The following SYNE1 variants were observed in gnomAD, a reference collection of about 807,000 sequenced individuals.
The protein encoded by SYNE1 is spectrin repeat containing nuclear envelope protein 1.
A neutral mutation model predicts 1,111.0 loss-of-function variants in SYNE1; 616 were observed. That is an observed-to-expected ratio of 0.55 (90% CI 0.52 to 0.59). The LOEUF is 0.59. Ranked by LOEUF, SYNE1 falls within the 20% of genes least tolerant of loss-of-function variation. The probability of loss-of-function intolerance (pLI) is 0.00; values close to 1 mark genes in which losing one functional copy is unlikely to be tolerated. For synonymous variants in SYNE1, 3,855 were observed against 3,825.8 expected (o/e 1.01, Z -0.28); for missense variants, 10,006 against 10,417.0 (o/e 0.96, Z 1.72).
Position 152,318,075 on chromosome 6 carries a change from A to G in SYNE1, c.16572+6T>C. ...ACGATTTGGATTTCTGGCCCGGAACACATACCTGATTGAGCTTGGAGAGCC... is the reference window on the plus strand; with the variant it reads ...ACGATTTGGATTTCTGGCCCGGAACGCATACCTGATTGAGCTTGGAGAGCC... On this transcript the variant is annotated splice_donor_region_variant and intron_variant, in intron 86 of 145. Coordinates refer to ENST00000367255, the MANE Select transcript of SYNE1 (RefSeq NM_182961.4). 1 of 1,614,218 alleles carries G rather than the reference A, an allele frequency of 6.2e-7. No individual in the cohort carries two copies. The highest frequency in any genetic ancestry group is 8.5e-7 in the Non-Finnish European group (1 of 1,180,044).
At position 152,541,660 on chromosome 6, in the gene SYNE1, A is replaced by G. The variant is rs568557810; in HGVS notation, c.68-1639T>C. Among the ~76,000 whole-genome samples, 9 of 147,654 alleles carry G rather than the reference A, an allele frequency of 6.1e-5. No individual in the cohort carries two copies. The South Asian group carries it at 1.9e-3, about 32-fold the overall frequency. ...CTACTCAGGAGGCTGAGGCAGGAGA[A>G]TGGTGTGAACCTGTGAGGCAGAGCT... On this transcript the variant is annotated intron_variant, in intron 3 of 145. Coordinates refer to ENST00000367255, the MANE Select transcript of SYNE1 (RefSeq NM_182961.4).
At chr6:152,424,481 A>C (rs2098320807) in intron 39 of SYNE1, among the ~76,000 whole-genome samples, 1 of 152,186 alleles carries the variant, frequency 6.6e-6, no homozygotes, top group Non-Finnish European at 1.5e-5. Context: ...TAAATTTCTG[A>C]AACCATTCAA....
At chr6:152,426,771 A>G (rs1316286493) in intron 38 of SYNE1, among the ~76,000 whole-genome samples, 1 of 152,238 alleles carries the variant, frequency 6.6e-6, no homozygotes, top group Non-Finnish European at 1.5e-5. Flanking sequence ...GAGTGCAGAC[A>G]CCAGTGTTTA....
At chr6:152,379,271 C>A (rs1268434143) in intron 56 of SYNE1, among the ~76,000 whole-genome samples, 1 of 152,100 alleles carries the variant, frequency 6.6e-6, no homozygotes, top group Non-Finnish European at 1.5e-5. Flanking sequence ...TTCTAGAATG[C>A]ATCTTTCCAC....
At chr6:152,352,556 C>A (rs957762219) in intron 69 of SYNE1, among the ~76,000 whole-genome samples, 1 of 152,076 alleles carries the variant, frequency 6.6e-6, no homozygotes, top group Non-Finnish European at 1.5e-5. Flanking sequence ...GTGCGTGCCA[C>A]CATGCCCAGC....
chr6:152,189,173 G>T (rs2071456144), intron 128 of SYNE1, 79 bp downstream of exon 128: 1 of 1,502,584 alleles, frequency 6.7e-7, no homozygotes, highest in Non-Finnish European at 9.2e-7. Flanking sequence ...GTCCACATGT[G>T]GGTTAACCCA....
chr6:152,374,645 A>G lies in SYNE1; in HGVS notation c.9325-1426T>C, dbSNP rs531755758. On this transcript the variant is annotated intron_variant, in intron 58 of 145. Coordinates refer to ENST00000367255, the MANE Select transcript of SYNE1 (RefSeq NM_182961.4). ...AAAAGTTAGCTGGGCGTGTTGACGC[A>G]TGTCTGTAATCCCAGATACTCAGGA... Among the ~76,000 whole-genome samples, 412 of 152,224 alleles carry G rather than the reference A, an allele frequency of 2.7e-3. 2 individuals are homozygous for G. The highest frequency in any genetic ancestry group is 8.7e-3 in the African/African-American group (360 of 41,562).
At chr6:152,142,427 C>A (rs994330987) in intron 138 of SYNE1, among the ~76,000 whole-genome samples, 2 of 152,088 alleles carry the variant, frequency 1.3e-5, no homozygotes, top group African/African-American at 2.4e-5. Context: ...TTAAAGCCAG[C>A]TGTTTTATAA....
At chr6:152,593,206 T>C (rs2099571835) in intron 3 of SYNE1, among the ~76,000 whole-genome samples, 1 of 152,178 alleles carries the variant, frequency 6.6e-6, no homozygotes, top group Non-Finnish European at 1.5e-5. Flanking sequence ...AGTTACAGTT[T>C]GCAGTTTCCA....
intron 94 of SYNE1, 64 bp downstream of exon 94, chr6:152,293,896 A>G (rs1174402729): frequency 3.1e-6 from 5 of 1,612,228 alleles, no homozygotes; most frequent in Non-Finnish European, 4.2e-6. Context: ...CATGTATTTC[A>G]TAAGACAATC....
At chr6:152,398,835 G>A in intron 48 of SYNE1, 104 bp from the exon 49 acceptor site, 1 of 787,360 alleles carries the variant, frequency 1.3e-6, no homozygotes, top group South Asian at 1.5e-5. Flanking sequence ...CTGGCCTTTA[G>A]CTCATCTCCT....
chr6:152,592,274 T>C (rs1239786070), intron 3 of SYNE1, among the ~76,000 whole-genome samples: 1 of 152,168 alleles, frequency 6.6e-6, no homozygotes, highest in Non-Finnish European at 1.5e-5. Context: ...CATAGGTTCC[T>C]TGCTGTACCA....
At chr6:152,347,029 G>A (rs2096649717) in intron 73 of SYNE1, 30 bp downstream of exon 73, 5 of 1,612,948 alleles carry the variant, frequency 3.1e-6, no homozygotes, top group Non-Finnish European at 4.2e-6. Context: ...ATAATTCCTT[G>A]TCACTGTGGA....
At chr6:152,124,816 A>C (rs1211784919) in intron 145 of SYNE1, among the ~76,000 whole-genome samples, 1 of 152,232 alleles carries the variant, frequency 6.6e-6, no homozygotes, top group Non-Finnish European at 1.5e-5. Context: ...ATTCATGTTG[A>C]GACAGGGCCT....
At chr6:152,534,355 C>T (rs926388476) in intron 4 of SYNE1, among the ~76,000 whole-genome samples, 1 of 151,896 alleles carries the variant, frequency 6.6e-6, no homozygotes, top group Admixed American at 6.6e-5. Flanking sequence ...TTAACAAATG[C>T]TATTCATTTT....
At chr6:152,315,645 T>C (rs1359094942) in intron 87 of SYNE1, 2 of 152,248 alleles carry the variant, frequency 1.3e-5, no homozygotes, top group African/African-American at 4.8e-5. Flanking sequence ...CAGTTAAGTT[T>C]GTCTTTCTTC....
At chr6:152,510,860 A>T (rs1182184419) in intron 7 of SYNE1, 151 bp downstream of exon 7, 1 of 795,822 alleles carries the variant, frequency 1.3e-6, no homozygotes, top group East Asian at 2.5e-5. Flanking sequence ...AAATTCTCCT[A>T]CCAAAGAAAC....
At chr6:152,224,181 CA>C (rs1413193692) in intron 117 of SYNE1, among the ~76,000 whole-genome samples, 4 of 152,090 alleles carry the variant, frequency 2.6e-5, no homozygotes, top group Non-Finnish European at 5.9e-5. Context: ...AAAAGGAAGA[CA>C]AAAGGCAGTG....
At chr6:152,137,897 G>C (rs1179224647) in intron 140 of SYNE1, among the ~76,000 whole-genome samples, 1 of 152,154 alleles carries the variant, frequency 6.6e-6, no homozygotes, top group Non-Finnish European at 1.5e-5. Flanking sequence ...GTACAAAGGA[G>C]GATGTCTTTT....
Sources: allele counts gnomAD v4.1 joint callset (sites outside exome capture counted in the v4.1 genomes callset), GRCh38; gene constraint gnomAD v4.1.1; transcripts MANE v1.5; gene names NCBI Gene and HGNC (gene_info 2026-07-23, HGNC 2026-07-21).